SDK2: variants seen among roughly 807,000 people sequenced by gnomAD.
SDK2 encodes sidekick cell adhesion molecule 2.
SDK2 carries 105 observed loss-of-function variants against 253.9 expected under a neutral mutation model. The ratio of observed to expected loss-of-function variants is 0.41; its 90% CI spans 0.35 to 0.49. The LOEUF (loss-of-function observed/expected upper bound fraction) is 0.49, where lower values mean the gene tolerates loss of function less well. Among genes scored for constraint, SDK2 ranks in the 20% least tolerant of loss-of-function variants. The pLI is 0.06. For missense variants in SDK2, 2,608 were observed against 3,003.0 expected, an observed-to-expected ratio of 0.87 and a Z score of 3.07; for synonymous variants, 1,249 against 1,234.9, an observed-to-expected ratio of 1.01 and a Z score of -0.24.
At position 73,384,010 on chromosome 17, in the gene SDK2, G is replaced by T. The variant is rs763869312; in HGVS notation, c.4571C>A (p.Pro1524Gln). Residue 1524 changes from proline (P) to glutamine (Q), a missense_variant and splice_region_variant, in exon 33 of 45, where the codon CCG becomes CAG. Physicochemically the swap from Pro to Gln is moderately conservative, Grantham distance 76 (BLOSUM62 -1). Transcript: ENST00000392650. ...TTTSVLIRWQ[P>Q]PAEDKINGIL... Reference sequence around the variant, plus strand: ...GCCATTGATCTTGTCCTCTGCTGGCGGCTGCAGGAAGGGAGTAGGGCATGG... The same window carrying T: ...GCCATTGATCTTGTCCTCTGCTGGCTGCTGCAGGAAGGGAGTAGGGCATGG... 2.5e-6 allele frequency: 4 copies of T among 1,613,236 alleles called. No individual in the cohort carries two copies. Among genetic ancestry groups the T allele is most frequent in the Non-Finnish European group, 3.4e-6 (4 of 1,179,706 alleles).
chr17:73,414,861 CTTG>C, intron 17 of SDK2, 102 bp from the exon 18 acceptor site: 1 of 709,078 alleles, frequency 1.4e-6, no homozygotes, highest in Non-Finnish European at 2.5e-6. Context: ...TAGCCTCTGC[CTTG>C]CACCCCCCTA....
chr17:73,390,463 C>A lies in SDK2; in HGVS notation c.4016G>T (p.Arg1339Leu). The change falls in exon 29 of 45, where the codon CGG becomes CTG. Residue 1339 changes from arginine (R) to leucine (L), a missense_variant. Arg to Leu is a moderately radical substitution (Grantham distance 102). Transcript: ENST00000392650. ...GIILAYQITHRLNTTTANTAT... is the reference protein window; with the variant it reads ...GIILAYQITHLLNTTTANTAT... Reference sequence around the variant, plus strand: ...GGTGTTGGCCGTGGTGGTGTTGAGCCGGTGTGTGATCTGGTAAGCTGTGGG... The same window carrying A: ...GGTGTTGGCCGTGGTGGTGTTGAGCAGGTGTGTGATCTGGTAAGCTGTGGG... The A allele has an allele frequency of 6.2e-7, 1 of 1,611,986 alleles. No homozygotes were observed. The highest frequency in any genetic ancestry group is 8.5e-7 in the Non-Finnish European group (1 of 1,178,930).
At chr17:73,631,335 G>A (rs2046267862) in intron 1 of SDK2, among the ~76,000 whole-genome samples, 1 of 152,202 alleles carries the variant, frequency 6.6e-6, no homozygotes, top group East Asian at 1.9e-4. Flanking sequence ...GAAGTCAAGG[G>A]TCACCAGGCT....
intron 1 of SDK2, among the ~76,000 whole-genome samples, chr17:73,569,739 C>T (rs186708329): frequency 5.9e-5 from 9 of 151,778 alleles, no homozygotes; most frequent in East Asian, 5.8e-4. Context: ...AAAGATCAGA[C>T]GAGAAAAGAA....
At chr17:73,385,708 T>C in intron 32 of SDK2, 139 bp downstream of exon 32, 4 of 747,222 alleles carry the variant, frequency 5.4e-6, no homozygotes, top group Non-Finnish European at 9.3e-6. Context: ...CATGCCTGGA[T>C]TTCTCATGGC....
intron 1 of SDK2, among the ~76,000 whole-genome samples, chr17:73,631,632 T>TGG (rs995615583): frequency 1.1e-4 from 16 of 152,144 alleles, no homozygotes; most frequent in Admixed American, 8.5e-4. Flanking sequence ...GAAACCCTGG[T>TGG]GGGGGACTGG....
chr17:73,603,334 C>T (rs901915635), intron 1 of SDK2, among the ~76,000 whole-genome samples: 11 of 152,184 alleles, frequency 7.2e-5, no homozygotes, highest in East Asian at 3.9e-4. Flanking sequence ...TGGCCCCCTG[C>T]GCTAGAGAGA....
chr17:73,450,729 C>T (rs1198574096), intron 4 of SDK2, among the ~76,000 whole-genome samples: 1 of 152,182 alleles, frequency 6.6e-6, no homozygotes, highest in Non-Finnish European at 1.5e-5. Context: ...ACTTTGCCCT[C>T]CAGGGATGAC....
At chr17:73,577,901 T>C (rs1310802872) in intron 1 of SDK2, among the ~76,000 whole-genome samples, 1 of 152,126 alleles carries the variant, frequency 6.6e-6, no homozygotes, top group Non-Finnish European at 1.5e-5. Flanking sequence ...TCCTGAATTC[T>C]GAGTGGGACC....
rs914412501 is a variant in SDK2, at chr17:73,626,297, AG to A, written c.64+17727del. 1.1e-3 allele frequency among the ~76,000 whole-genome samples: 174 copies of A among 152,250 alleles called. 1 individual carries two copies. The highest frequency in any genetic ancestry group is 4.2e-3 in the African/African-American group (173 of 41,554). The stretch of plus-strand genomic sequence containing the variant: ...ATGAATGCGTTGGCCGGGGCTCGGG[AG>A]GGGGAGGACAGGGGCCAGTTGTCTT... On this transcript the variant is annotated intron_variant, in intron 1 of 44. Coordinates refer to ENST00000392650, the MANE Select transcript of SDK2 (RefSeq NM_001144952.2).
intron 1 of SDK2, among the ~76,000 whole-genome samples, chr17:73,594,912 AGCACACACCT>A (rs2045733599): frequency 6.6e-6 from 1 of 152,012 alleles, no homozygotes; most frequent in Non-Finnish European, 1.5e-5. Flanking sequence ...AAATACACAC[AGCACACACCT>A]GCACACAGCA....
At chr17:73,354,032 A>T (rs906242047) in intron 40 of SDK2, among the ~76,000 whole-genome samples, 1 of 151,750 alleles carries the variant, frequency 6.6e-6, no homozygotes, top group Non-Finnish European at 1.5e-5. Flanking sequence ...CAGCTGCAGG[A>T]AAGATTTGGT....
chr17:73,550,507 T>C (rs909494524), intron 1 of SDK2, among the ~76,000 whole-genome samples: 3 of 152,038 alleles, frequency 2.0e-5, no homozygotes, highest in African/African-American at 7.2e-5. Context: ...ACAGAGACCC[T>C]GGGTGGCGGG....
chr17:73,358,289 G>A (rs2062610226), intron 39 of SDK2, 85 bp from the exon 40 acceptor site: 3 of 1,517,212 alleles, frequency 2.0e-6, no homozygotes, highest in Non-Finnish European at 2.6e-6. Context: ...GAGGAACACT[G>A]GGTGACAAAA....
At chr17:73,539,380 A>C (rs2044829391) in intron 1 of SDK2, among the ~76,000 whole-genome samples, 1 of 152,034 alleles carries the variant, frequency 6.6e-6, no homozygotes, top group African/African-American at 2.4e-5. Context: ...GTCAGCGGGA[A>C]GGGAGAGATT....
intron 1 of SDK2, among the ~76,000 whole-genome samples, chr17:73,544,176 G>A (rs1348161448): frequency 6.6e-6 from 1 of 152,184 alleles, no homozygotes; most frequent in Non-Finnish European, 1.5e-5. Context: ...CTTTGCCTTC[G>A]AGGGACTCAC....
Position 73,336,962 on chromosome 17 carries a change from T to G in SDK2, c.*1625A>C, listed in dbSNP as rs1273816267. On this transcript the variant is annotated 3_prime_UTR_variant, in exon 45 of 45. Coordinates refer to ENST00000392650, the MANE Select transcript of SDK2 (RefSeq NM_001144952.2). ...GATAGAAAGGCTTCTCCCTAAACCC[T>G]GGCATCCGTAAGTACCAAGTGGACG... The G allele has an allele frequency of 6.6e-6, 1 of 152,272 alleles. No homozygotes were observed. Among genetic ancestry groups the G allele is most frequent in the Non-Finnish European group, 1.5e-5 (1 of 68,098 alleles). 9.4% of individuals were successfully genotyped at this position (152,272 alleles called of 1,614,324 possible).
At chr17:73,544,643 G>A (rs1470605502) in intron 1 of SDK2, among the ~76,000 whole-genome samples, 1 of 152,208 alleles carries the variant, frequency 6.6e-6, no homozygotes, top group Non-Finnish European at 1.5e-5. Context: ...GATAGTGGAT[G>A]GATGGTTGAG....
rs555829618 is a variant in SDK2 at position 73,566,416 on chromosome 17, C to T, written c.65-58819G>A. ...AACAGACAAGTACAGAAAACTGGTA[C>T]TGAGAGTGGAGTGTTGCTATAAAGA... On this transcript the variant is annotated intron_variant, in intron 1 of 44. Transcript: ENST00000392650. Among the ~76,000 whole-genome samples, 6 of 150,986 alleles carry T rather than the reference C, an allele frequency of 4.0e-5. No homozygotes were observed. The East Asian group carries it at 1.2e-3, about 29-fold the overall frequency.
Sources: allele counts gnomAD v4.1 joint callset (sites outside exome capture counted in the v4.1 genomes callset), GRCh38; gene constraint gnomAD v4.1.1; transcripts MANE v1.5; gene names NCBI Gene and HGNC (gene_info 2026-07-23, HGNC 2026-07-21).